Variants in MBOAT2 observed in about 807,000 individuals in gnomAD.
MBOAT2 encodes the protein membrane bound glycerophospholipid O-acyltransferase 2, also known as membrane-bound glycerophospholipid O-acyltransferase 2.
In MBOAT2, 28 loss-of-function variants were observed where a neutral mutation model predicts 63.4. The observed-to-expected ratio is 0.44, with a 90% confidence interval of 0.33 to 0.61. MBOAT2 has a LOEUF of 0.61. MBOAT2 is among the 20% of genes least tolerant of loss of function. MBOAT2 has a pLI of 0.03. For synonymous variants in MBOAT2, 211 were observed against 215.6 expected (o/e 0.98, Z 0.19); for missense variants, 470 against 605.8 (o/e 0.78, Z 2.35).
At chr2:8,983,481 T>C (rs907263927) in intron 1 of MBOAT2, among the ~76,000 whole-genome samples, 6 of 152,150 alleles carry the variant, frequency 3.9e-5, no homozygotes, top group Admixed American at 6.5e-5. Context: ...TAAAAAAGAA[T>C]TAATACCAGT....
chr2:8,939,294 A>C (rs982448648), intron 3 of MBOAT2, among the ~76,000 whole-genome samples: 1 of 151,960 alleles, frequency 6.6e-6, no homozygotes, highest in Admixed American at 6.6e-5. Context: ...TGGGGAACAC[A>C]CTCCACAGCT....
At chr2:8,910,577 TAAG>T (rs532932309) in intron 3 of MBOAT2, among the ~76,000 whole-genome samples, 2 of 152,338 alleles carry the variant, frequency 1.3e-5, no homozygotes, top group Middle Eastern at 3.4e-3. Flanking sequence ...ACATGTCAGA[TAAG>T]AAGCCGTTTC....
chr2:9,000,242 A>G (rs1228579204), intron 1 of MBOAT2, among the ~76,000 whole-genome samples: 2 of 152,142 alleles, frequency 1.3e-5, no homozygotes, highest in African/African-American at 2.4e-5. Context: ...TACACTTTTC[A>G]TTTCCTGATT....
intron 4 of MBOAT2, among the ~76,000 whole-genome samples, chr2:8,899,659 G>A (rs955991964): frequency 2.0e-5 from 3 of 152,172 alleles, no homozygotes; most frequent in African/African-American, 7.2e-5. Flanking sequence ...ATGGATGAGG[G>A]GGTAGCTTGT....
At chr2:8,926,336 C>T (rs890920363) in intron 3 of MBOAT2, among the ~76,000 whole-genome samples, 1 of 152,116 alleles carries the variant, frequency 6.6e-6, no homozygotes, top group African/African-American at 2.4e-5. Flanking sequence ...ATAAGTAATA[C>T]AGTGCAATAT....
intron 1 of MBOAT2, among the ~76,000 whole-genome samples, chr2:8,964,358 T>C (rs1478702364): frequency 6.6e-6 from 1 of 152,058 alleles, no homozygotes; most frequent in Admixed American, 6.6e-5. Context: ...CATTTATCTA[T>C]GTTGATACAC....
At chr2:8,931,478 C>T (rs548897991) in intron 3 of MBOAT2, among the ~76,000 whole-genome samples, 27 of 152,012 alleles carry the variant, frequency 1.8e-4, no homozygotes, top group African/African-American at 3.6e-4. Context: ...TTGTAGATTC[C>T]GGATATTACA....
intron 3 of MBOAT2, among the ~76,000 whole-genome samples, chr2:8,933,706 C>T (rs1234444971): frequency 1.3e-5 from 2 of 152,118 alleles, no homozygotes; most frequent in Admixed American, 6.5e-5. Flanking sequence ...TTAGACAGTC[C>T]TGAACTGGCA....
chr2:8,964,402 A>G (rs1669842128), intron 1 of MBOAT2, among the ~76,000 whole-genome samples: 1 of 151,252 alleles, frequency 6.6e-6, no homozygotes, highest in African/African-American at 2.4e-5. Flanking sequence ...CTTGTGTATT[A>G]TATTTCATTG....
chr2:8,889,134 G>A (rs1334510178), intron 4 of MBOAT2, among the ~76,000 whole-genome samples: 4 of 152,202 alleles, frequency 2.6e-5, no homozygotes, highest in African/African-American at 9.7e-5. Context: ...AAGGGGCCAG[G>A]AGGGGAGAGG....
Position 8,905,751 on chromosome 2 carries a change from G to A in MBOAT2, c.395+2870C>T, listed in dbSNP as rs556045580. 3.0e-4 allele frequency among the ~76,000 whole-genome samples: 46 copies of A among 152,156 alleles called. 1 individual carries two copies. The highest frequency in any genetic ancestry group is 9.6e-4 in the African/African-American group (40 of 41,518). The stretch of plus-strand genomic sequence containing the variant: ...GCAAACCAACATGGCACATGTATAC[G>A]TATGTAACAAACCTGCACGTTGTGC... On this transcript the variant is annotated intron_variant, in intron 4 of 12. Transcript: ENST00000305997.
intron 4 of MBOAT2, among the ~76,000 whole-genome samples, chr2:8,906,401 C>T (rs1400594423): frequency 6.6e-6 from 1 of 152,224 alleles, no homozygotes; most frequent in Non-Finnish European, 1.5e-5. Flanking sequence ...TGCGCAGGCA[C>T]ACCCTCACTT....
Position 8,853,810 on chromosome 2 carries a change from A to C in MBOAT2, c.*4869T>G, listed in dbSNP as rs1391027120. Reference sequence around the variant, plus strand: ...TAAAGAAGAGTTATAATCAGTTTTAAAGGCAAGACAAATTAGTTGGTGTAA... The same window carrying C: ...TAAAGAAGAGTTATAATCAGTTTTACAGGCAAGACAAATTAGTTGGTGTAA... On this transcript the variant is annotated 3_prime_UTR_variant, in exon 13 of 13. Coordinates refer to ENST00000305997, the MANE Select transcript of MBOAT2 (RefSeq NM_138799.4). 6.6e-6 allele frequency: 1 copy of C among 152,202 alleles called. No homozygotes were observed. Among genetic ancestry groups the C allele is most frequent in the Non-Finnish European group, 1.5e-5 (1 of 68,036 alleles). The allele number at this position is 152,202 out of a possible 1,614,324, so 9.4% of individuals were successfully genotyped here.
At chr2:8,910,714 A>G (rs1356822507) in intron 3 of MBOAT2, among the ~76,000 whole-genome samples, 1 of 152,148 alleles carries the variant, frequency 6.6e-6, no homozygotes, top group Non-Finnish European at 1.5e-5. Flanking sequence ...TGTCTAAAAG[A>G]GATTTGTGGG....
intron 1 of MBOAT2, among the ~76,000 whole-genome samples, chr2:8,982,131 T>C (rs1573239846): frequency 6.6e-6 from 1 of 152,058 alleles, no homozygotes. Flanking sequence ...CATGGCAGGG[T>C]CTCAATACAG....
At chr2:8,961,802 G>C (rs10198798) in intron 1 of MBOAT2, among the ~76,000 whole-genome samples, 33,667 of 152,078 alleles carry the variant, frequency 0.22, 5,615 homozygotes, top group African/African-American at 0.47. Flanking sequence ...AATTGACCAA[G>C]AGCATCATCT....
intron 2 of MBOAT2, among the ~76,000 whole-genome samples, chr2:8,945,264 A>G (rs1250588289): frequency 6.6e-6 from 1 of 152,036 alleles, no homozygotes; most frequent in Admixed American, 6.6e-5. Context: ...TATCTCACTG[A>G]CCTCCACAAC....
chr2:8,997,600 A>G (rs1317972673), intron 1 of MBOAT2, among the ~76,000 whole-genome samples: 3 of 152,230 alleles, frequency 2.0e-5, no homozygotes, highest in Non-Finnish European at 4.4e-5. Context: ...AATAAATTCC[A>G]GAAATTTGAT....
intron 4 of MBOAT2, among the ~76,000 whole-genome samples, chr2:8,902,191 T>A (rs563615557): frequency 1.3e-5 from 2 of 152,340 alleles, no homozygotes; most frequent in South Asian, 4.1e-4. Flanking sequence ...CCCGTGTCCG[T>A]AGTCCAGCGG....
Sources: gnomAD v4.1 joint callset for allele counts (sites outside exome capture counted in the v4.1 genomes callset) on GRCh38, gnomAD v4.1.1 for gene constraint, MANE v1.5 for transcripts, NCBI Gene and HGNC (gene_info 2026-07-23, HGNC 2026-07-21) for gene names.